ACTN4: variants seen among roughly 807,000 people sequenced by gnomAD.
ACTN4 encodes actinin alpha 4.
In ACTN4, 18 loss-of-function variants were observed where a neutral mutation model predicts 114.2. The observed-to-expected ratio is 0.16, with a 90% CI of 0.11 to 0.23. ACTN4 has a LOEUF of 0.23. ACTN4 is among the 10% of genes least tolerant of loss of function. ACTN4 has a pLI of 1.00. For synonymous variants in ACTN4, 515 were observed against 506.3 expected, an observed-to-expected ratio of 1.02 and a Z score of -0.23; for missense variants, 722 against 1,262.9, an observed-to-expected ratio of 0.57 and a Z score of 6.49.
At chr19:38,681,595 G>A (rs1010837538) in intron 1 of ACTN4, among the ~76,000 whole-genome samples, 5 of 152,256 alleles carry the variant, frequency 3.3e-5, no homozygotes, top group African/African-American at 7.2e-5. Context: ...TCGCAATCGC[G>A]CTCTCCTTTC....
chr19:38,664,295 TA>T (rs1599768434), intron 1 of ACTN4, among the ~76,000 whole-genome samples: 1 of 152,158 alleles, frequency 6.6e-6, no homozygotes. Context: ...TTTTTTTTTT[TA>T]AACTCATTCA....
At chr19:38,728,281 C>T (rs887670650) in intron 19 of ACTN4, 23 of 1,534,460 alleles carry the variant, frequency 1.5e-5, no homozygotes, top group African/African-American at 2.8e-5. Flanking sequence ...ACTCTGGGCC[C>T]GGCCTCCTCT....
At position 38,710,399 on chromosome 19, in the gene ACTN4, CCT is replaced by C. The variant is rs1423707100; in HGVS notation, c.819+61_819+62del. 4.5e-6 allele frequency: 7 copies of C among 1,551,364 alleles called. No individual in the cohort carries two copies. The African/African-American group carries it at 9.5e-5, about 21-fold the overall frequency. On this transcript the variant is annotated intron_variant, in intron 8 of 20. Coordinates refer to ENST00000252699, the MANE Select transcript of ACTN4 (RefSeq NM_004924.6). ...CCGCCACCGCGCAATGCCGCCGCTG[CCT>C]CTCGCCTCCCGTGCTCACCTCATTT...
intron 12 of ACTN4, chr19:38,721,965 T>C: frequency 1.9e-6 from 1 of 516,606 alleles, no homozygotes; most frequent in East Asian, 3.7e-5. Flanking sequence ...GCTTTAGGGG[T>C]CCCTGGGGGT....
intron 1 of ACTN4, among the ~76,000 whole-genome samples, chr19:38,654,495 G>A (rs192235633): frequency 1.3e-4 from 20 of 151,706 alleles, no homozygotes; most frequent in African/African-American, 3.9e-4. Flanking sequence ...CTGGAAGGTG[G>A]AGGTTGCAGT....
intron 1 of ACTN4, among the ~76,000 whole-genome samples, chr19:38,675,593 A>G (rs993396429): frequency 2.0e-5 from 3 of 152,224 alleles, no homozygotes; most frequent in African/African-American, 7.2e-5. Flanking sequence ...CTTTGTGAAC[A>G]TCTTGAGCCG....
chr19:38,717,092 G>A lies in ACTN4; in HGVS notation c.919G>A (p.Glu307Lys). 1 of 1,613,250 alleles carries A rather than the reference G, an allele frequency of 6.2e-7. No homozygotes were observed. The highest frequency in any genetic ancestry group is 8.5e-7 in the Non-Finnish European group (1 of 1,179,692). ...TGGCTTCTGTGGCCCACAGCTCCTG[G>A]AGTGGATCCGGCGCACCATCCCCTG... ...DYEKLASDLL[E>K]WIRRTIPWLE... Residue 307 changes from glutamate to lysine, a missense_variant, in exon 10 of 21, where the codon GAG becomes AAG. By Grantham distance (56) the Glu-to-Lys change is moderately conservative. Around this residue, in one of 3 missense-constraint regions of ACTN4, gnomAD observed 523 missense variants for 875.9 expected, o/e 0.60. Coordinates refer to ENST00000252699, the MANE Select transcript of ACTN4 (RefSeq NM_004924.6). This position sits in a 1 kb window ranked among gnomAD's most constrained non-coding sequence, Gnocchi z 4.0.
Position 38,727,323 on chromosome 19 carries a change from C to G in ACTN4, c.2337+220C>G, listed in dbSNP as rs1386365537. 6.6e-6 allele frequency among the ~76,000 whole-genome samples: 1 copy of G among 152,160 alleles called. No individual in the cohort carries two copies. Among genetic ancestry groups the G allele is most frequent in the Non-Finnish European group, 1.5e-5 (1 of 68,016 alleles). On this transcript the variant is annotated intron_variant, in intron 18 of 20. Coordinates refer to ENST00000252699, the MANE Select transcript of ACTN4 (RefSeq NM_004924.6). This position sits in a 1 kb window ranked among gnomAD's most constrained non-coding sequence, Gnocchi z 5.4. ...ACGCACAGGCAGGGGGCCGGAGGTC[C>G]CAAGTCCTGCCTTCTGGGGTGGCAT...
Position 38,730,130 on chromosome 19 carries a change from CA to C in ACTN4, c.*712del, listed in dbSNP as rs74176459. 0.048 allele frequency: 5,818 copies of C among 121,366 alleles called. 152 individuals are homozygous for C. The highest frequency in any genetic ancestry group is 0.091 in the Admixed American group (1,135 of 12,538). The allele number at this position is 121,366 out of a possible 1,614,324, so 7.5% of individuals were successfully genotyped here. The stretch of plus-strand genomic sequence containing the variant: ...AAAAAAAACACAAAACAACAAAAAC[CA>C]AAAAAAAAAAAAATCACAAAAACAA... On this transcript the variant is annotated 3_prime_UTR_variant, in exon 21 of 21. Coordinates refer to ENST00000252699, the MANE Select transcript of ACTN4 (RefSeq NM_004924.6).
At chr19:38,663,222 C>T (rs1976941760) in intron 1 of ACTN4, among the ~76,000 whole-genome samples, 1 of 152,158 alleles carries the variant, frequency 6.6e-6, no homozygotes, top group South Asian at 2.1e-4. Flanking sequence ...CATTTTATAG[C>T]CAACCGGCTT....
At chr19:38,686,533 T>C (rs1296123197) in intron 1 of ACTN4, among the ~76,000 whole-genome samples, 1 of 152,240 alleles carries the variant, frequency 6.6e-6, no homozygotes, top group Non-Finnish European at 1.5e-5. Context: ...CCTCTGCTGC[T>C]GCCCTAATTT....
chr19:38,726,431 G>GTT, intron 17 of ACTN4, among the ~76,000 whole-genome samples: 1 of 152,308 alleles, frequency 6.6e-6, no homozygotes, highest in African/African-American at 2.4e-5. Context: ...AGAGGGCACC[G>GTT]TTTGCCCTGT....
rs1968516603 is a variant in ACTN4 at position 38,708,004 on chromosome 19, C to T, written c.573-113C>T. ...CACTGTCTCCATGCAGTGCCTGGCA[C>T]AGGCCAGACTGCAGTGAATGGGAAT... On this transcript the variant is annotated intron_variant, in intron 5 of 20. Transcript: ENST00000252699. The T allele has an allele frequency of 3.6e-6, 4 of 1,112,736 alleles. No homozygotes were observed. In the South Asian group the frequency reaches 5.0e-5, roughly 14 times the overall value. 68.9% of individuals were successfully genotyped at this position (1,112,736 alleles called of 1,614,324 possible). A position where few individuals can be genotyped will look rare whatever the true frequency, so the allele number is the denominator to read the frequency against.
intron 4 of ACTN4, 126 bp downstream of exon 4, chr19:38,705,146 C>CT (rs1350100573): frequency 8.8e-6 from 8 of 907,396 alleles, no homozygotes; most frequent in Non-Finnish European, 1.4e-5. Context: ...GGGCCTGGCC[C>CT]TTGCAGGGGT....
At position 38,724,350 on chromosome 19, in the gene ACTN4, G is replaced by A. The variant is rs754818136; in HGVS notation, c.1875+11G>A. 6.2e-7 allele frequency: 1 copy of A among 1,613,024 alleles called. No individual in the cohort carries two copies. Among genetic ancestry groups the A allele is most frequent in the East Asian group, 2.2e-5 (1 of 44,860 alleles). On this transcript the variant is annotated intron_variant, in intron 15 of 20. Transcript: ENST00000252699. This position sits in a 1 kb window ranked among gnomAD's most constrained non-coding sequence, Gnocchi z 7.0. ...TCCAAGTGGGAGAAGGTGGGCCGGG[G>A]CCATCCGTAGGGGCTGGGGCAGGAC...
chr19:38,655,616 G>A (rs1004411722), intron 1 of ACTN4, among the ~76,000 whole-genome samples: 3 of 152,054 alleles, frequency 2.0e-5, no homozygotes, highest in African/African-American at 7.2e-5. Flanking sequence ...TACTAGACTC[G>A]AACATATGGC....
At chr19:38,692,168 A>AGACG (rs1967951607) in intron 1 of ACTN4, among the ~76,000 whole-genome samples, 1 of 152,232 alleles carries the variant, frequency 6.6e-6, no homozygotes, top group Admixed American at 6.5e-5. Flanking sequence ...CCAGGACATA[A>AGACG]GACGCATTCC....
intron 1 of ACTN4, among the ~76,000 whole-genome samples, chr19:38,674,796 C>T (rs1156785110): frequency 6.6e-6 from 1 of 152,208 alleles, no homozygotes; most frequent in Admixed American, 6.5e-5. Context: ...AGACTCAGGG[C>T]CCACAGTGCC....
rs1969372810 is a variant in ACTN4 at position 38,729,032 on chromosome 19, G to A, written c.2455G>A (p.Asp819Asn). The change falls in exon 20 of 21, where the codon GAC becomes AAC. Residue 819 changes from aspartate (D) to asparagine (N), a missense_variant. Around this residue, in one of 3 missense-constraint regions of ACTN4, gnomAD observed 523 missense variants for 875.9 expected, o/e 0.60. Coordinates refer to ENST00000252699, the MANE Select transcript of ACTN4 (RefSeq NM_004924.6). ...GTTCAACCGCATCATGAGCCTGGTC[G>A]ACCCCAACCATAGCGGCCTTGTGAC... ...AEFNRIMSLV[D>N]PNHSGLVTFQ... is the part of the protein sequence containing the mutation. The A allele has an allele frequency of 5.6e-6, 9 of 1,613,334 alleles. No individual in the cohort carries two copies. The highest frequency in any genetic ancestry group is 2.2e-5 in the East Asian group (1 of 44,892).
Sources: allele counts gnomAD v4.1 joint callset (sites outside exome capture counted in the v4.1 genomes callset), GRCh38; gene constraint gnomAD v4.1.1; regional missense constraint gnomAD v4.1.1; non-coding constraint Gnocchi (gnomAD v3.1); transcripts MANE v1.5; gene names NCBI Gene and HGNC (gene_info 2026-07-23, HGNC 2026-07-21).